Variants in C2CD5 observed in about 807,000 individuals in gnomAD.
The protein encoded by C2CD5 is C2 domain-containing protein 5.
A neutral mutation model predicts 130.3 loss-of-function variants in C2CD5; 109 were observed. The ratio of observed to expected loss-of-function variants is 0.84; its 90% CI spans 0.72 to 0.98. The LOEUF (loss-of-function observed/expected upper bound fraction) is 0.98, where lower values mean the gene tolerates loss of function less well. Ranked by LOEUF, C2CD5 falls within the 50% of genes least tolerant of loss-of-function variation. C2CD5 has a pLI of 0.00. For missense variants in C2CD5, 996 were observed against 1,261.8 expected, an observed-to-expected ratio of 0.79 and a Z score of 3.19; for synonymous variants, 454 against 429.2, an observed-to-expected ratio of 1.06 and a Z score of -0.71.
chr12:22,534,789 A>T (rs1489171557), intron 3 of C2CD5: 1 of 153,608 alleles, frequency 6.5e-6, no homozygotes, highest in Admixed American at 6.5e-5. Flanking sequence ...ATGGGAAGTT[A>T]TTGGTTAGTG....
Position 22,482,585 on chromosome 12 carries a change from A to G in C2CD5, c.1709T>C (p.Val570Ala). The G allele has an allele frequency of 6.2e-7, 1 of 1,613,726 alleles. No individual in the cohort carries two copies. Among genetic ancestry groups the G allele is most frequent in the Non-Finnish European group, 8.5e-7 (1 of 1,179,810 alleles). ...TAAGCCCATCAACATATTTTCACCC[A>G]CTGTGATCTGAATTCTTAGTCCAAA... ...ALFGLRIQIT[V>A]GENMLMGLAS... Residue 570 changes from valine (V) to alanine (A), a missense_variant, in exon 14 of 27, where the codon GTG (valine) becomes GCG (alanine). Physicochemically the swap from Val to Ala is moderately conservative, Grantham distance 64. Around this residue, in one of 9 missense-constraint regions of C2CD5, gnomAD observed 590 missense variants for 631.4 expected, o/e 0.93. Transcript: ENST00000446597.
At chr12:22,512,763 C>T (rs1484770141) in intron 9 of C2CD5, 1 of 896,848 alleles carries the variant, frequency 1.1e-6, no homozygotes, top group Non-Finnish European at 1.7e-6. Context: ...TCCCAATGAA[C>T]AAATATAGCT....
intron 8 of C2CD5, 50 bp from the exon 9 acceptor site, chr12:22,513,429 C>T (rs1353712284): frequency 8.5e-7 from 1 of 1,178,638 alleles, no homozygotes; most frequent in Non-Finnish European, 1.3e-6. Flanking sequence ...ACTATAGAAA[C>T]AAAGTTTAAT....
chr12:22,504,139 T>A (rs1948162510), intron 10 of C2CD5, among the ~76,000 whole-genome samples: 1 of 151,612 alleles, frequency 6.6e-6, no homozygotes, highest in Non-Finnish European at 1.5e-5. Context: ...AACTGGCACA[T>A]AAAATAAACC....
At position 22,470,986 on chromosome 12, in the gene C2CD5, T is replaced by C. The variant is rs1942932771; in HGVS notation, c.2359-75A>G. The C allele has an allele frequency of 5.0e-6, 5 of 1,000,058 alleles. No homozygotes were observed. In the South Asian group the frequency reaches 5.6e-5, roughly 11 times the overall value. The allele number at this position is 1,000,058 out of a possible 1,614,324, so 61.9% of individuals were successfully genotyped here. On this transcript the variant is annotated intron_variant, in intron 20 of 26. Transcript: ENST00000446597. ...TAAGTTTCTTACATATTTTTTTCAG[T>C]ACCACGGAACAACCTACACCAAATA...
intron 7 of C2CD5, among the ~76,000 whole-genome samples, chr12:22,518,381 AGACT>A (rs1424397726): frequency 6.6e-6 from 1 of 152,236 alleles, no homozygotes; most frequent in Non-Finnish European, 1.5e-5. Context: ...ATGAAATGAC[AGACT>A]AAGGGGATAA....
In C2CD5 at chr12:22,458,627, A is replaced by C. The variant is rs905719704; in HGVS notation, c.2585-42T>G. ...AAAACAAAAGAAAAAAACAAAGAAA[A>C]AAATATGGATGATGTCTCTTACTCG... On this transcript the variant is annotated intron_variant, in intron 23 of 26. Transcript: ENST00000446597. 11 of 850,214 alleles carry C rather than the reference A, an allele frequency of 1.3e-5. No homozygotes were observed. In the African/African-American group the frequency reaches 1.6e-4, roughly 12 times the overall value. 52.7% of individuals were successfully genotyped at this position (850,214 alleles called of 1,614,324 possible). A position where few individuals can be genotyped will look rare whatever the true frequency, so the allele number is the denominator to read the frequency against.
intron 14 of C2CD5, among the ~76,000 whole-genome samples, chr12:22,482,177 G>C (rs1442154774): frequency 6.6e-6 from 1 of 152,122 alleles, no homozygotes; most frequent in Non-Finnish European, 1.5e-5. Flanking sequence ...GAATTGCCAT[G>C]GATGCTGCTA....
intron 7 of C2CD5, among the ~76,000 whole-genome samples, chr12:22,519,775 G>C (rs966527530): frequency 6.6e-6 from 1 of 152,044 alleles, no homozygotes; most frequent in East Asian, 1.9e-4. Context: ...ATGGCACAAA[G>C]AGAAATGAGT....
At chr12:22,499,702 T>C (rs1947504410) in intron 10 of C2CD5, among the ~76,000 whole-genome samples, 1 of 152,166 alleles carries the variant, frequency 6.6e-6, no homozygotes, top group Admixed American at 6.5e-5. Context: ...CCCTAATTCT[T>C]ATGCACTTCC....
At chr12:22,522,228 T>C (rs1591972768) in intron 7 of C2CD5, among the ~76,000 whole-genome samples, 1 of 151,944 alleles carries the variant, frequency 6.6e-6, no homozygotes, top group Non-Finnish European at 1.5e-5. Flanking sequence ...TCTAGATGAG[T>C]GGTCTTCAAC....
In C2CD5 at chr12:22,474,821, T is replaced by C; in HGVS notation, c.1973A>G (p.Gln658Arg). ...PRQRSRLLRSQSESSDEVTEL... is the reference protein window; with the variant it reads ...PRQRSRLLRSRSESSDEVTEL... ...TGTAACTTCATCCGAGCTTTCTGAT[T>C]GAGATCTTAGAAGTCTTGAGCGTTG... Residue 658 changes from glutamine to arginine, a missense_variant, in exon 16 of 27, where the codon CAA becomes CGA. This residue lies in a region of C2CD5 where 590 missense variants were observed against 631.4 expected (regional missense o/e 0.93). Transcript: ENST00000446597. 6.2e-7 allele frequency: 1 copy of C among 1,600,334 alleles called. No homozygotes were observed. The highest frequency in any genetic ancestry group is 8.6e-7 in the Non-Finnish European group (1 of 1,168,574).
chr12:22,522,229 G>T (rs1284223501), intron 7 of C2CD5, among the ~76,000 whole-genome samples: 3 of 152,052 alleles, frequency 2.0e-5, no homozygotes, highest in African/African-American at 7.2e-5. Flanking sequence ...CTAGATGAGT[G>T]GTCTTCAACC....
intron 13 of C2CD5, 143 bp downstream of exon 13, chr12:22,484,553 TA>T (rs1462673579): frequency 2.3e-6 from 1 of 425,956 alleles, no homozygotes; most frequent in East Asian, 3.5e-5. Flanking sequence ...TTACATGCAA[TA>T]AAATACAAAG....
At chr12:22,508,548 G>A (rs924968087) in intron 9 of C2CD5, among the ~76,000 whole-genome samples, 2 of 152,088 alleles carry the variant, frequency 1.3e-5, no homozygotes, top group Admixed American at 6.5e-5. Flanking sequence ...GAATGTAAAT[G>A]AAGTTTTGAG....
At chr12:22,452,477 G>A (rs939394262) in intron 26 of C2CD5, among the ~76,000 whole-genome samples, 1 of 151,960 alleles carries the variant, frequency 6.6e-6, no homozygotes, top group African/African-American at 2.4e-5. Flanking sequence ...AGCTAGCTGC[G>A]AATCCAGAAC....
chr12:22,459,300 A>G lies in C2CD5; in HGVS notation c.2584+192T>C, dbSNP rs558386188. Among the ~76,000 whole-genome samples the G allele has an allele frequency of 3.3e-5, 5 of 152,088 alleles. No homozygotes were observed. In the South Asian group the frequency reaches 8.3e-4, roughly 25 times the overall value. On this transcript the variant is annotated intron_variant, in intron 23 of 26. Transcript: ENST00000446597. ...TTAGAAACTGGGAAACCATTAACATACTAAAAAATTTAAATATTAGTTTAA... is the reference window on the plus strand; with the variant it reads ...TTAGAAACTGGGAAACCATTAACATGCTAAAAAATTTAAATATTAGTTTAA...
At chr12:22,532,941 G>A (rs1951444899) in intron 3 of C2CD5, among the ~76,000 whole-genome samples, 1 of 152,198 alleles carries the variant, frequency 6.6e-6, no homozygotes, top group African/African-American at 2.4e-5. Context: ...AGGTTCTTAA[G>A]TAGTCCAATG....
At chr12:22,462,745 C>T (rs901813543) in intron 22 of C2CD5, among the ~76,000 whole-genome samples, 4 of 152,132 alleles carry the variant, frequency 2.6e-5, no homozygotes, top group Admixed American at 1.3e-4. Flanking sequence ...ATGTAGGTCC[C>T]CTCCAAAACT....
Sources: allele counts gnomAD v4.1 joint callset (sites outside exome capture counted in the v4.1 genomes callset), GRCh38; gene constraint gnomAD v4.1.1; regional missense constraint gnomAD v4.1.1; transcripts MANE v1.5; gene names NCBI Gene and HGNC (gene_info 2026-07-23, HGNC 2026-07-21).